The following MAML3 variants were observed in gnomAD, a reference collection of about 807,000 sequenced individuals.
MAML3 encodes mastermind-like protein 3.
Under a neutral mutation model 101.9 loss-of-function variants are expected in MAML3, and 27 were observed. The observed-to-expected ratio is 0.27, with a 90% CI of 0.20 to 0.37. The LOEUF is 0.37. Ranked by LOEUF, MAML3 falls within the 10% of genes least tolerant of loss-of-function variation. The probability of loss-of-function intolerance (pLI) is 1.00; values close to 1 mark genes in which losing one functional copy is unlikely to be tolerated. For missense variants in MAML3, 1,316 were observed against 1,444.9 expected, an observed-to-expected ratio of 0.91 and a Z score of 1.45; for synonymous variants, 501 against 555.9, an observed-to-expected ratio of 0.90 and a Z score of 1.39.
In MAML3 at chr4:139,791,360, G is replaced by A. The variant is rs558770767; in HGVS notation, c.2080-60693C>T. 3.3e-5 allele frequency among the ~76,000 whole-genome samples: 5 copies of A among 152,116 alleles called. No individual in the cohort carries two copies. The East Asian group carries it at 9.7e-4, about 29-fold the overall frequency. On this transcript the variant is annotated intron_variant, in intron 2 of 4. Transcript: ENST00000509479. ...AAAAATACAGAAATTAGCCAGGCAT[G>A]GTGGCACGTGCCTGTAATCCCAGCT...
At chr4:139,946,699 A>G (rs1578611644) in intron 1 of MAML3, among the ~76,000 whole-genome samples, 1 of 152,180 alleles carries the variant, frequency 6.6e-6, no homozygotes, top group Non-Finnish European at 1.5e-5. Context: ...CCTTGGTTTT[A>G]TTCATGTAAA....
intron 1 of MAML3, among the ~76,000 whole-genome samples, chr4:140,053,079 A>G (rs1052317022): frequency 6.6e-6 from 1 of 152,258 alleles, no homozygotes; most frequent in African/African-American, 2.4e-5. Flanking sequence ...AAAACCTAAA[A>G]GTGTATTAAG....
chr4:139,758,774 T>C (rs1729701173), intron 2 of MAML3, among the ~76,000 whole-genome samples: 1 of 152,240 alleles, frequency 6.6e-6, no homozygotes, highest in Non-Finnish European at 1.5e-5. Context: ...TCCCCCATAC[T>C]AGTCACATCT....
chr4:140,099,511 G>A (rs1272158796), intron 1 of MAML3, among the ~76,000 whole-genome samples: 2 of 151,948 alleles, frequency 1.3e-5, no homozygotes, highest in Admixed American at 6.6e-5. Context: ...CAATCCTCCC[G>A]CCTGGAGTTA....
At chr4:139,730,093 C>T (rs1254894521) in intron 3 of MAML3, among the ~76,000 whole-genome samples, 1 of 152,144 alleles carries the variant, frequency 6.6e-6, no homozygotes, top group Non-Finnish European at 1.5e-5. Flanking sequence ...GAGACAGTCC[C>T]CGCCATGTGC....
chr4:139,959,551 G>C (rs939069564), intron 1 of MAML3, among the ~76,000 whole-genome samples: 4 of 152,178 alleles, frequency 2.6e-5, no homozygotes, highest in African/African-American at 9.7e-5. Flanking sequence ...AACAAAAACT[G>C]GCCAGCAGCA....
chr4:139,779,453 AC>A (rs1730159399), intron 2 of MAML3, among the ~76,000 whole-genome samples: 1 of 152,242 alleles, frequency 6.6e-6, no homozygotes, highest in Non-Finnish European at 1.5e-5. Context: ...CCTAGTGGTC[AC>A]AATTTTAATT....
chr4:139,795,637 C>A (rs187031897), intron 2 of MAML3, among the ~76,000 whole-genome samples: 1 of 152,306 alleles, frequency 6.6e-6, no homozygotes, highest in East Asian at 1.9e-4. Context: ...ATAACACTGG[C>A]AGACATTCTT....
chr4:139,952,813 T>C (rs1294643754), intron 1 of MAML3, among the ~76,000 whole-genome samples: 4 of 152,198 alleles, frequency 2.6e-5, no homozygotes, highest in African/African-American at 9.7e-5. Flanking sequence ...GCTTGGCACA[T>C]TAAAGTCAGG....
intron 2 of MAML3, among the ~76,000 whole-genome samples, chr4:139,827,369 G>A (rs1300594305): frequency 6.6e-6 from 1 of 152,184 alleles, no homozygotes; most frequent in Non-Finnish European, 1.5e-5. Flanking sequence ...TTCTGAAAAG[G>A]AGCTGTGGAC....
chr4:140,141,930 AC>A lies in MAML3; in HGVS notation c.468+10929del. Among the ~76,000 whole-genome samples the A allele has an allele frequency of 3.9e-5, 6 of 152,354 alleles. 1 individual carries two copies. The South Asian group carries it at 1.2e-3, about 32-fold the overall frequency. Reference sequence around the variant, plus strand: ...TATACATATTATATCTATAGAAAGAACCCTAAATCTGTGCTACAGAAATGCT... The same window carrying A: ...TATACATATTATATCTATAGAAAGAACCTAAATCTGTGCTACAGAAATGCT... On this transcript the variant is annotated intron_variant, in intron 1 of 4. Transcript: ENST00000509479.
At chr4:139,983,937 A>T (rs1734488797) in intron 1 of MAML3, among the ~76,000 whole-genome samples, 1 of 152,226 alleles carries the variant, frequency 6.6e-6, no homozygotes, top group South Asian at 2.1e-4. Flanking sequence ...AAATGGATTT[A>T]ACCAGGGCAG....
chr4:140,121,213 T>C (rs1728601712), intron 1 of MAML3, among the ~76,000 whole-genome samples: 2 of 152,240 alleles, frequency 1.3e-5, no homozygotes, highest in Admixed American at 1.3e-4. Flanking sequence ...CATTTAGCTA[T>C]TCCTAATTGT....
At chr4:140,083,797 C>G (rs1727901010) in intron 1 of MAML3, among the ~76,000 whole-genome samples, 1 of 152,092 alleles carries the variant, frequency 6.6e-6, no homozygotes, top group African/African-American at 2.4e-5. Flanking sequence ...CTACCTCTCT[C>G]CCAGGCAGTT....
intron 1 of MAML3, among the ~76,000 whole-genome samples, chr4:140,057,207 T>C (rs958382221): frequency 3.9e-5 from 6 of 152,166 alleles, no homozygotes; most frequent in African/African-American, 1.4e-4. Context: ...GCTCAGAAGT[T>C]CAAGGCTGCA....
chr4:139,986,205 G>C (rs1009054339), intron 1 of MAML3, among the ~76,000 whole-genome samples: 1 of 152,176 alleles, frequency 6.6e-6, no homozygotes, highest in Non-Finnish European at 1.5e-5. Context: ...TGTCATCAGA[G>C]TGCTGTCACA....
chr4:139,726,108 A>G (rs1421935693), intron 3 of MAML3, among the ~76,000 whole-genome samples: 2 of 152,102 alleles, frequency 1.3e-5, no homozygotes, highest in African/African-American at 4.8e-5. Flanking sequence ...CTCTCCCTTG[A>G]CCCATGGGCA....
chr4:139,932,562 G>C (rs948387528), intron 1 of MAML3, among the ~76,000 whole-genome samples: 2 of 152,128 alleles, frequency 1.3e-5, no homozygotes, highest in Non-Finnish European at 2.9e-5. Context: ...AGTTTTAAAT[G>C]CCCCCCTTAC....
At chr4:139,974,591 C>G (rs1175691090) in intron 1 of MAML3, among the ~76,000 whole-genome samples, 1 of 152,118 alleles carries the variant, frequency 6.6e-6, no homozygotes, top group African/African-American at 2.4e-5. Context: ...TGCTGGGCTT[C>G]TATTTCCTCA....
Sources: gnomAD v4.1 joint callset for allele counts (sites outside exome capture counted in the v4.1 genomes callset) on GRCh38, gnomAD v4.1.1 for gene constraint, MANE v1.5 for transcripts, NCBI Gene and HGNC (gene_info 2026-07-23, HGNC 2026-07-21) for gene names.